The following SLIT3 variants were observed in gnomAD, a reference collection of about 807,000 sequenced individuals.
SLIT3 encodes the protein slit homolog 3 protein.
SLIT3 carries 68 observed loss-of-function variants against 184.0 expected under a neutral mutation model. That is an observed-to-expected ratio of 0.37 (90% CI 0.30 to 0.45). The LOEUF is 0.45. Ranked by LOEUF, SLIT3 falls within the 20% of genes least tolerant of loss-of-function variation. The pLI, the probability that SLIT3 is intolerant of heterozygous loss-of-function variation, is 1.00. For missense variants in SLIT3, 1,707 were observed against 2,026.0 expected (o/e 0.84, Z 3.02); for synonymous variants, 831 against 828.6 (o/e 1.00, Z -0.05).
chr5:169,280,354 T>C (rs1394265112), intron 1 of SLIT3, among the ~76,000 whole-genome samples: 2 of 152,212 alleles, frequency 1.3e-5, no homozygotes, highest in Non-Finnish European at 1.5e-5. Flanking sequence ...TTTTTTTCTT[T>C]TCTGCTATTT....
At chr5:168,826,396 C>A (rs1187060681) in intron 6 of SLIT3, among the ~76,000 whole-genome samples, 1 of 152,186 alleles carries the variant, frequency 6.6e-6, no homozygotes, top group Non-Finnish European at 1.5e-5. Flanking sequence ...TATTTGATTT[C>A]CAGTCTTGGC....
chr5:168,785,787 A>C, intron 12 of SLIT3, 120 bp downstream of exon 12: 3 of 737,048 alleles, frequency 4.1e-6, no homozygotes, highest in Non-Finnish European at 4.7e-6. Flanking sequence ...CAGCTCAAAC[A>C]TTTTTTTCTC....
chr5:169,150,302 G>T (rs747910723), intron 4 of SLIT3, among the ~76,000 whole-genome samples: 1 of 152,152 alleles, frequency 6.6e-6, no homozygotes, highest in Non-Finnish European at 1.5e-5. Context: ...GATGCCTTGT[G>T]TGCTTGCCAT....
At chr5:168,887,515 C>G (rs1760265234) in intron 4 of SLIT3, among the ~76,000 whole-genome samples, 1 of 152,152 alleles carries the variant, frequency 6.6e-6, no homozygotes, top group Non-Finnish European at 1.5e-5. Flanking sequence ...GTTTTACTAA[C>G]CTCATCAGTT....
At chr5:168,748,071 C>G (rs930140477) in intron 20 of SLIT3, among the ~76,000 whole-genome samples, 1 of 152,106 alleles carries the variant, frequency 6.6e-6, no homozygotes, top group African/African-American at 2.4e-5. Flanking sequence ...TCAGAGACTC[C>G]TCCTCTGCCA....
intron 4 of SLIT3, among the ~76,000 whole-genome samples, chr5:169,072,816 C>T (rs1383003791): frequency 6.6e-6 from 1 of 152,168 alleles, no homozygotes; most frequent in African/African-American, 2.4e-5. Context: ...GGGAGCTCTT[C>T]CTGCCACCTT....
rs1473089084 is a variant in SLIT3 at position 169,224,735 on chromosome 5, G to C, written c.341+19970C>G. Among the ~76,000 whole-genome samples, 4 of 152,090 alleles carry C rather than the reference G, an allele frequency of 2.6e-5. No individual in the cohort carries two copies. The East Asian group carries it at 7.7e-4, about 29-fold the overall frequency. Reference sequence around the variant, plus strand: ...ACAGACTCACTCTGTTGCCCAGGCTGGAGTGCAGTGGTGCGATCTTGGCTC... The same window carrying C: ...ACAGACTCACTCTGTTGCCCAGGCTCGAGTGCAGTGGTGCGATCTTGGCTC... On this transcript the variant is annotated intron_variant, in intron 3 of 35. Coordinates refer to ENST00000519560, the MANE Select transcript of SLIT3 (RefSeq NM_003062.4).
chr5:168,746,700 TG>T (rs1754448072), intron 20 of SLIT3, among the ~76,000 whole-genome samples: 1 of 109,806 alleles, frequency 9.1e-6, no homozygotes, highest in African/African-American at 3.5e-5. Context: ...GGTGTGGGTG[TG>T]GTGGTGTGTG....
chr5:169,064,915 G>A (rs1187786653), intron 4 of SLIT3, among the ~76,000 whole-genome samples: 2 of 152,132 alleles, frequency 1.3e-5, no homozygotes, highest in Non-Finnish European at 2.9e-5. Flanking sequence ...ACTTTTCCCT[G>A]GCAGTTTCGA....
intron 5 of SLIT3, among the ~76,000 whole-genome samples, chr5:168,872,187 G>A (rs1759546339): frequency 6.6e-6 from 1 of 152,158 alleles, no homozygotes; most frequent in Non-Finnish European, 1.5e-5. Flanking sequence ...AAGCTGTTGT[G>A]AAAATGAAAG....
intron 4 of SLIT3, among the ~76,000 whole-genome samples, chr5:168,946,727 C>T (rs944371514): frequency 3.9e-5 from 6 of 152,162 alleles, no homozygotes; most frequent in Non-Finnish European, 8.8e-5. Flanking sequence ...ACCGGACACA[C>T]GCTCACCCCC....
chr5:169,267,576 G>A (rs1581120868), intron 1 of SLIT3, among the ~76,000 whole-genome samples: 1 of 152,120 alleles, frequency 6.6e-6, no homozygotes, highest in Non-Finnish European at 1.5e-5. Flanking sequence ...AGTAAATCTG[G>A]GTATCAGTTA....
intron 1 of SLIT3, among the ~76,000 whole-genome samples, chr5:169,283,854 G>A (rs1450798888): frequency 6.6e-6 from 1 of 152,136 alleles, no homozygotes; most frequent in African/African-American, 2.4e-5. Context: ...CAAGGTAAAT[G>A]TCTTTTATCC....
At chr5:168,866,588 A>C (rs55762992) in intron 5 of SLIT3, among the ~76,000 whole-genome samples, 7,469 of 152,138 alleles carry the variant, frequency 0.049, 601 homozygotes, top group African/African-American at 0.17. Flanking sequence ...AAGTTCCCCC[A>C]CTTTTTATTC....
chr5:168,797,607 G>A (rs1320462787), intron 9 of SLIT3, among the ~76,000 whole-genome samples: 1 of 152,186 alleles, frequency 6.6e-6, no homozygotes, highest in Non-Finnish European at 1.5e-5. Flanking sequence ...TGTGACGCTG[G>A]CCCCAAGGAG....
intron 20 of SLIT3, among the ~76,000 whole-genome samples, chr5:168,746,200 C>T (rs1763794237): frequency 6.6e-6 from 1 of 152,102 alleles, no homozygotes. Context: ...CTAACCTGGC[C>T]CAGAAAAGGG....
chr5:168,942,614 T>C (rs1762363728), intron 4 of SLIT3, among the ~76,000 whole-genome samples: 1 of 152,250 alleles, frequency 6.6e-6, no homozygotes. Flanking sequence ...CCCTAAACTT[T>C]ACTGTAACTA....
At chr5:169,119,842 C>T (rs1316534973) in intron 4 of SLIT3, 1 of 152,140 alleles carries the variant, frequency 6.6e-6, no homozygotes, top group Non-Finnish European at 1.5e-5. Flanking sequence ...GCAGCATTGC[C>T]AAATGGAAAT....
rs148473454 is a variant in SLIT3 at position 168,687,113 on chromosome 5, G to A, written c.3180C>T (p.Cys1060=). 204 of 1,613,604 alleles carry A rather than the reference G, an allele frequency of 1.3e-4. 1 individual carries two copies. In the African/African-American group the frequency reaches 2.2e-3, roughly 18 times the overall value. ...TCCCGCTGTAGCCAGGGACACACTCGCAGCTGGAACATAGGCAGAGGCAAG... is the reference window on the plus strand; with the variant it reads ...TCCCGCTGTAGCCAGGGACACACTCACAGCTGGAACATAGGCAGAGGCAAG... ...KCIPLDKGFS[C]ECVPGYSGKL... is the part of the protein sequence containing the mutation. The change falls in exon 30 of 36, where the codon TGC becomes TGT. Residue 1060 remains cysteine (C), a synonymous_variant. Transcript: ENST00000519560.
Sources: allele counts gnomAD v4.1 joint callset (sites outside exome capture counted in the v4.1 genomes callset), GRCh38; gene constraint gnomAD v4.1.1; transcripts MANE v1.5; gene names NCBI Gene and HGNC (gene_info 2026-07-23, HGNC 2026-07-21).